PABPC5: variants seen among roughly 807,000 people sequenced by gnomAD.
PABPC5 encodes polyadenylate-binding protein 5.
Under a neutral mutation model 12.6 loss-of-function variants are expected in PABPC5, and 6 were observed. The ratio of observed to expected loss-of-function variants is 0.48; its 90% confidence interval spans 0.26 to 0.94. The LOEUF is 0.94. Among genes scored for constraint, PABPC5 ranks in the 40% least tolerant of loss-of-function variants. The pLI is 0.14. For missense variants in PABPC5, 244 were observed against 302.8 expected, an observed-to-expected ratio of 0.81 and a Z score of 1.44; for synonymous variants, 124 against 118.4, an observed-to-expected ratio of 1.05 and a Z score of -0.31.
Position 91,437,797 on chromosome X carries a change from T to C in PABPC5, c.*1071T>C, listed in dbSNP as rs1931627228. 8.2e-6 allele frequency: 1 copy of C among 121,901 alleles called. No homozygotes were observed. Among genetic ancestry groups the C allele is most frequent in the Non-Finnish European group, 1.9e-5 (1 of 52,839 alleles). 10.0% of individuals were successfully genotyped at this position (121,901 alleles called of 1,213,427 possible). ...TTAAGTCATATGCCTCCAGCCATTA[T>C]ATGAGAACTGTGAAACCAATATGGT... On this transcript the variant is annotated 3_prime_UTR_variant, in exon 2 of 2. Transcript: ENST00000312600.
In PABPC5 at chrX:91,436,844, G is replaced by GA. The variant is rs372478379; in HGVS notation, c.*127dup. 3,627 of 625,012 alleles carry GA rather than the reference G, an allele frequency of 5.8e-3. 58 individuals are homozygous for GA. Among genetic ancestry groups the GA allele is most frequent in the African/African-American group, 0.058 (2,421 of 41,778 alleles). The allele number at this position is 625,012 out of a possible 1,213,427, so 51.5% of individuals were successfully genotyped here. Reference sequence around the variant, plus strand: ...GTTTTTTTTTGAAGTGAATTCTTTTGAAAAAAAAATGCAAAACTAGAAAAC... The same window carrying GA: ...GTTTTTTTTTGAAGTGAATTCTTTTGAAAAAAAAAATGCAAAACTAGAAAAC... On this transcript the variant is annotated 3_prime_UTR_variant, in exon 2 of 2. Coordinates refer to ENST00000312600, the MANE Select transcript of PABPC5 (RefSeq NM_080832.3).
rs1401571279 is a variant in PABPC5 at position 91,438,583 on chromosome X, C to G, written c.*1857C>G. On this transcript the variant is annotated 3_prime_UTR_variant, in exon 2 of 2. Coordinates refer to ENST00000312600, the MANE Select transcript of PABPC5 (RefSeq NM_080832.3). ...GACAATAAATATCAATCTCTATCAT[C>G]ATCTTAGTGACTGCATAGTATTCTA... is the stretch of plus-strand genomic sequence containing the variant. 2.4e-5 allele frequency: 3 copies of G among 122,720 alleles called. No homozygotes were observed. Among genetic ancestry groups the G allele is most frequent in the Non-Finnish European group, 5.7e-5 (3 of 52,880 alleles). The allele number at this position is 122,720 out of a possible 1,213,427, so 10.1% of individuals were successfully genotyped here. A position where few individuals can be genotyped will look rare whatever the true frequency, so the allele number is the denominator to read the frequency against.
At position 91,436,120 on chromosome X, in the gene PABPC5, A is replaced by G. The variant is rs1329748511; in HGVS notation, c.543A>G (p.Lys181=). ...GCCAGGTGTATGTTGGCAGATTCAA[A>G]TTCCCAGAAGAGCGGGCGGCTGAGG... ...NNRQVYVGRF[K]FPEERAAEVR... Residue 181 remains lysine (K), a synonymous_variant, in exon 2 of 2, where the codon AAA becomes AAG. Transcript: ENST00000312600. 1.7e-6 allele frequency: 2 copies of G among 1,210,167 alleles called. No homozygotes were observed. The highest frequency in any genetic ancestry group is 2.2e-6 in the Non-Finnish European group (2 of 895,385).
rs1569327162 is a variant in PABPC5, at chrX:91,436,639, T to C, written c.1062T>C (p.Ala354=). The C allele has an allele frequency of 1.1e-5, 13 of 1,211,486 alleles. No homozygotes were observed. In the South Asian group the frequency reaches 1.6e-4, roughly 15 times the overall value. Residue 354 remains alanine, a synonymous_variant, in exon 2 of 2, where the codon GCT becomes GCC. Transcript: ENST00000312600. ...GVVCFSSFEE[A]TKAVDEMNGR... The stretch of plus-strand genomic sequence containing the variant: ...TCTGCTTTTCCTCTTTTGAAGAGGC[T>C]ACCAAAGCAGTGGATGAGATGAATG...
chrX:91,435,510 T>G lies in PABPC5; in HGVS notation c.-68T>G. On this transcript the variant is annotated 5_prime_UTR_variant, in exon 2 of 2. Transcript: ENST00000312600. ...CTTTTTCTGTTCGTGAACAGCTGTT[T>G]GGCCCATAGCTTAGAGAAAGCAGCC... 1 of 1,035,989 alleles carries G rather than the reference T, an allele frequency of 9.7e-7. No individual in the cohort carries two copies. The highest frequency in any genetic ancestry group is 1.3e-6 in the Non-Finnish European group (1 of 771,075). 85.4% of individuals were successfully genotyped at this position (1,035,989 alleles called of 1,213,427 possible). A position where few individuals can be genotyped will look rare whatever the true frequency, so the allele number is the denominator to read the frequency against.
chrX:91,436,765 C>T lies in PABPC5; in HGVS notation c.*39C>T, dbSNP rs1485588687. ...CAGTTTGTTTCAGCCTTAGTTGGTG[C>T]CTCCTTAGTTTGGGCTCCTTTGTGA... On this transcript the variant is annotated 3_prime_UTR_variant, in exon 2 of 2. Coordinates refer to ENST00000312600, the MANE Select transcript of PABPC5 (RefSeq NM_080832.3). The T allele has an allele frequency of 1.8e-6, 2 of 1,130,574 alleles. No individual in the cohort carries two copies. The highest frequency in any genetic ancestry group is 1.8e-5 in the African/African-American group (1 of 55,318). 93.2% of individuals were successfully genotyped at this position (1,130,574 alleles called of 1,213,427 possible). A position where few individuals can be genotyped will look rare whatever the true frequency, so the allele number is the denominator to read the frequency against.
rs373564499 is a variant in PABPC5, at chrX:91,437,049, AT to A, written c.*331del. The A allele has an allele frequency of 2.0e-3, 400 of 202,975 alleles. 3 individuals are homozygous for A. The highest frequency in any genetic ancestry group is 1.0e-2 in the African/African-American group (330 of 33,046). The allele number at this position is 202,975 out of a possible 1,213,427, so 16.7% of individuals were successfully genotyped here. On this transcript the variant is annotated 3_prime_UTR_variant, in exon 2 of 2. Transcript: ENST00000312600. ...TCCCTTCTTATTTCAGTAATACTCT[AT>A]TTTTTTTCATGAAAATGTCAACATG...
At position 91,438,122 on chromosome X, in the gene PABPC5, T is replaced by A. The variant is rs1358483447; in HGVS notation, c.*1396T>A. Reference sequence around the variant, plus strand: ...ATTCACTTATGCCACAGATTCAACATTAGAATATGTTTTATCTCTACTGTC... The same window carrying A: ...ATTCACTTATGCCACAGATTCAACAATAGAATATGTTTTATCTCTACTGTC... On this transcript the variant is annotated 3_prime_UTR_variant, in exon 2 of 2. Transcript: ENST00000312600. 1 of 123,100 alleles carries A rather than the reference T, an allele frequency of 8.1e-6. No individual in the cohort carries two copies. Among genetic ancestry groups the A allele is most frequent in the Non-Finnish European group, 1.9e-5 (1 of 53,010 alleles). 10.1% of individuals were successfully genotyped at this position (123,100 alleles called of 1,213,427 possible). A position where few individuals can be genotyped will look rare whatever the true frequency, so the allele number is the denominator to read the frequency against.
Position 91,436,586 on chromosome X carries a change from G to A in PABPC5, c.1009G>A (p.Val337Met), listed in dbSNP as rs201810493. 4.1e-6 allele frequency: 5 copies of A among 1,210,561 alleles called. No homozygotes were observed. The highest frequency in any genetic ancestry group is 5.6e-6 in the Non-Finnish European group (5 of 895,400). The change falls in exon 2 of 2, where the codon GTG becomes ATG. Residue 337 changes from valine to methionine, a missense_variant. Val to Met is a conservative substitution (Grantham distance 21). Coordinates refer to ENST00000312600, the MANE Select transcript of PABPC5 (RefSeq NM_080832.3). The stretch of plus-strand genomic sequence containing the variant: ...TAGTCGGGCCAAAGTGATGATGGAA[G>A]TGGGGCAAGGCAAAGGATTTGGTGT... ...SISRAKVMME[V>M]GQGKGFGVVC...
At position 91,435,616 on chromosome X, in the gene PABPC5, G is replaced by T; in HGVS notation, c.39G>T (p.Lys13Asn). The T allele has an allele frequency of 8.3e-7, 1 of 1,210,133 alleles. No homozygotes were observed. Among genetic ancestry groups the T allele is most frequent in the Non-Finnish European group, 1.1e-6 (1 of 894,698 alleles). The stretch of plus-strand genomic sequence containing the variant: ...AGCCTAATCCTGCTGGCAAGAAAAA[G>T]AAGTATCTCAAGGCCGCTCTGTACG... The part of the protein sequence containing the change: ...SGEPNPAGKK[K>N]KYLKAALYVG... Residue 13 changes from lysine (K) to asparagine (N), a missense_variant, in exon 2 of 2, where the codon AAG (lysine) becomes AAT (asparagine). By Grantham distance (94) the Lys-to-Asn change is moderately conservative. Around this residue, in one of 3 missense-constraint regions of PABPC5, gnomAD observed 29 missense variants for 20.5 expected, o/e 1.41. Transcript: ENST00000312600.
Position 91,435,425 on chromosome X carries a change from A to G in PABPC5, c.-143-10A>G. ...TGCTGACCAGCTGTTTCTGAACTTC[A>G]TTTTCTCAGCCTCGACAGTGATTCT... On this transcript the variant is annotated splice_polypyrimidine_tract_variant and intron_variant, in intron 1 of 1. Transcript: ENST00000312600. The G allele has an allele frequency of 2.0e-6, 1 of 509,336 alleles. No individual in the cohort carries two copies. Among genetic ancestry groups the G allele is most frequent in the East Asian group, 3.7e-5 (1 of 26,677 alleles). 42.0% of individuals were successfully genotyped at this position (509,336 alleles called of 1,213,427 possible). A position where few individuals can be genotyped will look rare whatever the true frequency, so the allele number is the denominator to read the frequency against.
chrX:91,435,811 C>T lies in PABPC5; in HGVS notation c.234C>T (p.Thr78=), dbSNP rs768198181. ...CGGATGCAGAGTGGGCCTTGAACAC[C>T]ATGAATTTTGATTTGATTAATGGAA... ...FPADAEWALN[T]MNFDLINGKP... Residue 78 remains threonine (T), a synonymous_variant, in exon 2 of 2, where the codon ACC becomes ACT. Transcript: ENST00000312600. The T allele has an allele frequency of 1.5e-5, 18 of 1,209,755 alleles. No individual in the cohort carries two copies. The highest frequency in any genetic ancestry group is 1.8e-5 in the Non-Finnish European group (16 of 895,199).
Position 91,436,399 on chromosome X carries a change from A to G in PABPC5, c.822A>G (p.Ala274=). 8.3e-7 allele frequency: 1 copy of G among 1,211,893 alleles called. No homozygotes were observed. The highest frequency in any genetic ancestry group is 3.0e-5 in the East Asian group (1 of 33,841). ...GAAAAGTCCTCTATGTAGGGCGAGC[A>G]CAGAAGAAAATTGAACGCCTGGCTG... ...IDGKVLYVGR[A]QKKIERLAEL... Residue 274 remains alanine (A), a synonymous_variant, in exon 2 of 2, where the codon GCA becomes GCG. Coordinates refer to ENST00000312600, the MANE Select transcript of PABPC5 (RefSeq NM_080832.3).
At position 91,437,058 on chromosome X, in the gene PABPC5, C is replaced by T. The variant is rs1729995705; in HGVS notation, c.*332C>T. ...ATTTCAGTAATACTCTATTTTTTTT[C>T]ATGAAAATGTCAACATGGTTCTTCT... On this transcript the variant is annotated 3_prime_UTR_variant, in exon 2 of 2. Coordinates refer to ENST00000312600, the MANE Select transcript of PABPC5 (RefSeq NM_080832.3). 1 of 193,373 alleles carries T rather than the reference C, an allele frequency of 5.2e-6. No homozygotes were observed. Among genetic ancestry groups the T allele is most frequent in the African/African-American group, 3.1e-5 (1 of 32,440 alleles). The allele number at this position is 193,373 out of a possible 1,213,427, so 15.9% of individuals were successfully genotyped here. A position where few individuals can be genotyped will look rare whatever the true frequency, so the allele number is the denominator to read the frequency against.
Position 91,435,497 on chromosome X carries a change from G to C in PABPC5, c.-81G>C, listed in dbSNP as rs1931581974. 3 of 964,217 alleles carry C rather than the reference G, an allele frequency of 3.1e-6. No individual in the cohort carries two copies. The highest frequency in any genetic ancestry group is 3.2e-5 in the East Asian group (1 of 31,736). 79.5% of individuals were successfully genotyped at this position (964,217 alleles called of 1,213,427 possible). A position where few individuals can be genotyped will look rare whatever the true frequency, so the allele number is the denominator to read the frequency against. On this transcript the variant is annotated 5_prime_UTR_variant, in exon 2 of 2. Transcript: ENST00000312600. ...TTGCCTGCCTTGGCTTTTTCTGTTC[G>C]TGAACAGCTGTTTGGCCCATAGCTT...
chrX:91,435,474 G>A lies in PABPC5; in HGVS notation c.-104G>A. 1 of 781,099 alleles carries A rather than the reference G, an allele frequency of 1.3e-6. No homozygotes were observed. Among genetic ancestry groups the A allele is most frequent in the East Asian group, 3.4e-5 (1 of 29,543 alleles). The allele number at this position is 781,099 out of a possible 1,213,427, so 64.4% of individuals were successfully genotyped here. ...CTGAGTCTGCTTTTAGCTTCCTTTT[G>A]CCTGCCTTGGCTTTTTCTGTTCGTG... On this transcript the variant is annotated 5_prime_UTR_variant, in exon 2 of 2. Coordinates refer to ENST00000312600, the MANE Select transcript of PABPC5 (RefSeq NM_080832.3).
At position 91,438,345 on chromosome X, in the gene PABPC5, A is replaced by G. The variant is rs1376877948; in HGVS notation, c.*1619A>G. ...ATGGAAATCACTGTTTATATTGATT[A>G]TAAACATAAGACATGCTCATTGTAA... is the stretch of plus-strand genomic sequence containing the variant. On this transcript the variant is annotated 3_prime_UTR_variant, in exon 2 of 2. Transcript: ENST00000312600. The G allele has an allele frequency of 2.4e-5, 3 of 123,275 alleles. No homozygotes were observed. Among genetic ancestry groups the G allele is most frequent in the African/African-American group, 3.2e-5 (1 of 30,946 alleles). 10.2% of individuals were successfully genotyped at this position (123,275 alleles called of 1,213,427 possible). A position where few individuals can be genotyped will look rare whatever the true frequency, so the allele number is the denominator to read the frequency against.
Position 91,435,718 on chromosome X carries a change from C to A in PABPC5, c.141C>A (p.Thr47=). 1 of 1,211,248 alleles carries A rather than the reference C, an allele frequency of 8.3e-7. No individual in the cohort carries two copies. Among genetic ancestry groups the A allele is most frequent in the African/African-American group, 1.7e-5 (1 of 57,767 alleles). The change falls in exon 2 of 2, where the codon ACC becomes ACA. Residue 47 remains threonine (T), a synonymous_variant. Coordinates refer to ENST00000312600, the MANE Select transcript of PABPC5 (RefSeq NM_080832.3). ...GGCCTGCTGGCCCTCTGCGATTCACCCGAATCTGCCGTGATCCGGTGACCC... is the reference window on the plus strand; with the variant it reads ...GGCCTGCTGGCCCTCTGCGATTCACACGAATCTGCCGTGATCCGGTGACCC... The part of the protein sequence containing the change: ...KFRPAGPLRF[T]RICRDPVTRS...
intron 1 of PABPC5, 85 bp from the exon 2 acceptor site, chrX:91,435,350 A>C: frequency 2.1e-5 from 7 of 331,404 alleles, no homozygotes; most frequent in Non-Finnish European, 1.6e-5. Flanking sequence ...CGCAGGGAGA[A>C]TAGATTCGTA....
Sources: gnomAD v4.1 joint callset for allele counts on GRCh38, gnomAD v4.1.1 for gene constraint, gnomAD v4.1.1 regional missense constraint, MANE v1.5 for transcripts, NCBI Gene and HGNC (gene_info 2026-07-23, HGNC 2026-07-21) for gene names.